GRID2: variants seen among roughly 807,000 people sequenced by gnomAD.
GRID2 encodes glutamate ionotropic receptor delta type subunit 2, also known as glutamate receptor ionotropic, delta-2.
In GRID2, 33 loss-of-function variants were observed where a neutral mutation model predicts 114.8. That is an observed-to-expected ratio of 0.29 (90% CI 0.22 to 0.38). The LOEUF (loss-of-function observed/expected upper bound fraction) is 0.38, where lower values mean the gene tolerates loss of function less well. GRID2 is among the 10% of genes least tolerant of loss of function. The probability of loss-of-function intolerance (pLI) is 1.00; values close to 1 mark genes in which losing one functional copy is unlikely to be tolerated. For missense variants in GRID2, 1,184 were observed against 1,257.7 expected, an observed-to-expected ratio of 0.94 and a Z score of 0.89; for synonymous variants, 505 against 449.9, an observed-to-expected ratio of 1.12 and a Z score of -1.55.
chr4:92,425,030 A>C (rs1053187619), intron 1 of GRID2, among the ~76,000 whole-genome samples: 4 of 151,990 alleles, frequency 2.6e-5, no homozygotes, highest in Admixed American at 2.0e-4. Context: ...TTAAATTTTT[A>C]ATTGTGTTGA....
chr4:93,555,709 G>T (rs888164728), intron 13 of GRID2, among the ~76,000 whole-genome samples: 1 of 152,190 alleles, frequency 6.6e-6, no homozygotes, highest in Admixed American at 6.5e-5. Flanking sequence ...CCTGCCTGCT[G>T]GCTCTGAAGA....
intron 2 of GRID2, among the ~76,000 whole-genome samples, chr4:92,738,929 A>G (rs1367516671): frequency 6.6e-6 from 1 of 152,148 alleles, no homozygotes; most frequent in African/African-American, 2.4e-5. Flanking sequence ...TGGCCTCCCA[A>G]AGTGCTGGGA....
chr4:92,564,057 A>G (rs954434354), intron 1 of GRID2, among the ~76,000 whole-genome samples: 1 of 152,026 alleles, frequency 6.6e-6, no homozygotes, highest in African/African-American at 2.4e-5. Context: ...ATCTTTATAT[A>G]TTTAATCCAA....
chr4:92,688,969 G>A (rs1413426332), intron 2 of GRID2, among the ~76,000 whole-genome samples: 1 of 152,178 alleles, frequency 6.6e-6, no homozygotes, highest in African/African-American at 2.4e-5. Flanking sequence ...CAGAATGGGT[G>A]TTGTGTTAAA....
chr4:93,197,253 A>G (rs148225029), intron 4 of GRID2, among the ~76,000 whole-genome samples: 157 of 152,326 alleles, frequency 1.0e-3, no homozygotes, highest in African/African-American at 3.3e-3. Flanking sequence ...ACTTAGAAGC[A>G]GAGGGCTATG....
At chr4:92,781,368 T>C (rs1353895420) in intron 2 of GRID2, among the ~76,000 whole-genome samples, 1 of 152,166 alleles carries the variant, frequency 6.6e-6, no homozygotes, top group African/African-American at 2.4e-5. Context: ...AATGTGTGGA[T>C]ACAAATCATT....
At chr4:93,612,953 C>G (rs1388339495) in intron 13 of GRID2, among the ~76,000 whole-genome samples, 2 of 147,284 alleles carry the variant, frequency 1.4e-5, no homozygotes, top group African/African-American at 5.0e-5. Context: ...GTACACCAAT[C>G]AGACGTAGAT....
rs1024796786 is a variant in GRID2 at position 92,877,381 on chromosome 4, A to G, written c.245-207614A>G. Among the ~76,000 whole-genome samples, 6 of 152,328 alleles carry G rather than the reference A, an allele frequency of 3.9e-5. 1 individual carries two copies. In the Middle Eastern group the frequency reaches 0.017, roughly 432 times the overall value. ...CTCTAAAGACAGAAAACTCTCAGTAATTTTAACCTCCTTGATTGTATGTGT... is the reference window on the plus strand; with the variant it reads ...CTCTAAAGACAGAAAACTCTCAGTAGTTTTAACCTCCTTGATTGTATGTGT... On this transcript the variant is annotated intron_variant, in intron 2 of 15. Coordinates refer to ENST00000282020, the MANE Select transcript of GRID2 (RefSeq NM_001510.4).
intron 1 of GRID2, among the ~76,000 whole-genome samples, chr4:92,515,448 A>G (rs1417586952): frequency 6.6e-6 from 1 of 151,828 alleles, no homozygotes; most frequent in Admixed American, 6.6e-5. Context: ...TTCCTCTGGG[A>G]TCTATTTTTT....
intron 8 of GRID2, among the ~76,000 whole-genome samples, chr4:93,258,496 A>G (rs1043411663): frequency 6.6e-6 from 1 of 151,754 alleles, no homozygotes; most frequent in African/African-American, 2.4e-5. Flanking sequence ...GTATATAATG[A>G]CAGACACATG....
intron 14 of GRID2, among the ~76,000 whole-genome samples, chr4:93,707,959 C>T (rs1425983468): frequency 6.6e-6 from 1 of 151,918 alleles, no homozygotes; most frequent in Non-Finnish European, 1.5e-5. Flanking sequence ...ACTGATCATT[C>T]AGGAGCATAT....
intron 2 of GRID2, among the ~76,000 whole-genome samples, chr4:92,733,985 A>C (rs76560932): frequency 6.6e-6 from 1 of 152,058 alleles, no homozygotes; most frequent in Non-Finnish European, 1.5e-5. Flanking sequence ...GAAAGGGAAG[A>C]TCTATCCACC....
At chr4:93,353,546 A>G (rs906970378) in intron 8 of GRID2, among the ~76,000 whole-genome samples, 1 of 152,060 alleles carries the variant, frequency 6.6e-6, no homozygotes, top group Non-Finnish European at 1.5e-5. Context: ...TGGGCATCCA[A>G]AGAGATCAGC....
intron 13 of GRID2, among the ~76,000 whole-genome samples, chr4:93,599,736 A>T (rs146871547): frequency 3.5e-4 from 53 of 152,326 alleles, no homozygotes; most frequent in Non-Finnish European, 6.5e-4. Flanking sequence ...CTGCACAAGG[A>T]AAGAGTCGCA....
At chr4:93,524,212 G>A (rs535497841) in intron 13 of GRID2, among the ~76,000 whole-genome samples, 31 of 152,186 alleles carry the variant, frequency 2.0e-4, no homozygotes, top group African/African-American at 7.0e-4. Flanking sequence ...TTGGTTCTAC[G>A]AAAACGCCAA....
chr4:92,457,259 C>T (rs1721260219), intron 1 of GRID2, among the ~76,000 whole-genome samples: 2 of 152,152 alleles, frequency 1.3e-5, no homozygotes, highest in South Asian at 4.1e-4. Context: ...AAATCACTGT[C>T]TTCTCATCAA....
At chr4:92,384,583 T>TATAATA (rs369279524) in intron 1 of GRID2, among the ~76,000 whole-genome samples, 1 of 40,084 alleles carries the variant, frequency 2.5e-5, no homozygotes, top group Non-Finnish European at 4.6e-5. Context: ...ATAAAATATA[T>TATAATA]TATATTATAT....
At chr4:93,662,208 C>A (rs1723559217) in intron 14 of GRID2, among the ~76,000 whole-genome samples, 1 of 152,146 alleles carries the variant, frequency 6.6e-6, no homozygotes, top group South Asian at 2.1e-4. Context: ...CACCGTCTCA[C>A]TGCGGCCGTC....
At chr4:92,836,563 A>T (rs1441485743) in intron 2 of GRID2, among the ~76,000 whole-genome samples, 7 of 152,224 alleles carry the variant, frequency 4.6e-5, no homozygotes, top group Non-Finnish European at 7.4e-5. Flanking sequence ...AAATATTTGC[A>T]TTGTTATATA....
Sources: allele counts gnomAD v4.1 joint callset (sites outside exome capture counted in the v4.1 genomes callset), GRCh38; gene constraint gnomAD v4.1.1; transcripts MANE v1.5; gene names NCBI Gene and HGNC (gene_info 2026-07-23, HGNC 2026-07-21).